ITSN1: variants seen among roughly 807,000 people sequenced by gnomAD.
The protein encoded by ITSN1 is intersectin 1.
In ITSN1, 58 loss-of-function variants were observed where a neutral mutation model predicts 239.8. The observed-to-expected ratio is 0.24, with a 90% CI of 0.20 to 0.30. ITSN1 has a LOEUF of 0.30. Among genes scored for constraint, ITSN1 ranks in the 10% least tolerant of loss-of-function variants. The probability of loss-of-function intolerance (pLI) is 1.00; values close to 1 mark genes in which losing one functional copy is unlikely to be tolerated. For synonymous variants in ITSN1, 780 were observed against 770.8 expected (o/e 1.01, Z -0.20); for missense variants, 1,558 against 2,103.3 (o/e 0.74, Z 5.07).
chr21:33,813,039 T>C (rs536422358), intron 21 of ITSN1, among the ~76,000 whole-genome samples: 1 of 152,274 alleles, frequency 6.6e-6, no homozygotes, highest in South Asian at 2.1e-4. Flanking sequence ...CATGTGAGGA[T>C]GTTTCTCCGG....
chr21:33,865,663 C>T lies in ITSN1; in HGVS notation c.4074+329C>T, dbSNP rs1981437837. The stretch of plus-strand genomic sequence containing the variant: ...AAGGCCCAGGCAGGTCTTAGATTTC[C>T]TCTTGTGTTTAATCGCCACATCCTC... On this transcript the variant is annotated intron_variant, in intron 32 of 39. Coordinates refer to ENST00000381318, the MANE Select transcript of ITSN1 (RefSeq NM_003024.3). This position sits in a 1 kb window ranked among gnomAD's most constrained non-coding sequence, Gnocchi z 4.4. Among the ~76,000 whole-genome samples the T allele has an allele frequency of 6.6e-6, 1 of 152,210 alleles. No homozygotes were observed. Among genetic ancestry groups the T allele is most frequent in the South Asian group, 2.1e-4 (1 of 4,830 alleles).
At chr21:33,667,745 C>A (rs1436220340) in intron 1 of ITSN1, among the ~76,000 whole-genome samples, 1 of 152,138 alleles carries the variant, frequency 6.6e-6, no homozygotes, top group East Asian at 1.9e-4. Context: ...AAGTCTGTTT[C>A]CTGAGTCTGC....
chr21:33,782,008 A>G lies in ITSN1; in HGVS notation c.1699A>G (p.Thr567Ala). 1.3e-6 allele frequency: 2 copies of G among 1,599,764 alleles called. No homozygotes were observed. Among genetic ancestry groups the G allele is most frequent in the Non-Finnish European group, 1.7e-6 (2 of 1,176,584 alleles). The change falls in exon 16 of 40, where the codon ACA becomes GCA. Residue 567 changes from threonine (T) to alanine (A), a missense_variant. Thr to Ala is a moderately conservative substitution (Grantham distance 58, BLOSUM62 0). This residue lies in a region of ITSN1 where 982 missense variants were observed against 1,209.9 expected (regional missense o/e 0.81). Transcript: ENST00000381318. ...TTCTAAAATAGGAGATTCACTTGTT[A>G]CACTTAAAAGAGCCTTAGAAGCAAA... ...QNSLHRDSLV[T>A]LKRALEAKEL...
At chr21:33,730,015 C>A (rs2066073050) in intron 4 of ITSN1, among the ~76,000 whole-genome samples, 1 of 152,128 alleles carries the variant, frequency 6.6e-6, no homozygotes, top group African/African-American at 2.4e-5. Flanking sequence ...TGTGAAGTTA[C>A]TTGGACTAGG....
chr21:33,876,153 C>CTT lies in ITSN1; in HGVS notation c.4341+633_4341+634insTT, dbSNP rs752690648. Among the ~76,000 whole-genome samples, 15 of 124,720 alleles carry CTT rather than the reference C, an allele frequency of 1.2e-4. No individual in the cohort carries two copies. The East Asian group carries it at 1.8e-3, about 15-fold the overall frequency. The allele number at this position is 124,720 out of a possible 152,430, so 81.8% of individuals were successfully genotyped here. On this transcript the variant is annotated intron_variant, in intron 34 of 39. Transcript: ENST00000381318. ...TCTTTCTTTCTTTCTTTCTTTCTTT[C>CTT]TCTCTCTCCCTCTTTCTTTCTTTCC...
At chr21:33,795,880 T>G (rs2071512135) in intron 17 of ITSN1, among the ~76,000 whole-genome samples, 1 of 151,846 alleles carries the variant, frequency 6.6e-6, no homozygotes, top group Non-Finnish European at 1.5e-5. Context: ...AAACTGCAAA[T>G]TAACGTCAGA....
chr21:33,671,103 G>T (rs530092898), intron 1 of ITSN1, among the ~76,000 whole-genome samples: 3 of 152,268 alleles, frequency 2.0e-5, no homozygotes, highest in Admixed American at 2.0e-4. Context: ...TTCAAAAGTC[G>T]TATGGGACAA....
chr21:33,832,000 G>A, intron 27 of ITSN1, among the ~76,000 whole-genome samples: 1 of 152,214 alleles, frequency 6.6e-6, no homozygotes, highest in East Asian at 1.9e-4. Context: ...TCATGCCCCT[G>A]TCCTGTTCTG....
chr21:33,829,005 G>T (rs752916205), intron 26 of ITSN1: 1 of 470,934 alleles, frequency 2.1e-6, no homozygotes, highest in South Asian at 1.5e-5. Context: ...AAAGAAATTT[G>T]CCCTGCCATG....
intron 17 of ITSN1, among the ~76,000 whole-genome samples, chr21:33,796,754 G>C (rs1229304804): frequency 6.6e-6 from 1 of 152,152 alleles, no homozygotes; most frequent in African/African-American, 2.4e-5. Context: ...TATGTCATTT[G>C]TTATTACATA....
intron 29 of ITSN1, among the ~76,000 whole-genome samples, chr21:33,848,490 C>T (rs1434724951): frequency 6.6e-6 from 1 of 152,200 alleles, no homozygotes; most frequent in East Asian, 1.9e-4. Context: ...AGCGCACCAG[C>T]GAGGAGGAAG....
intron 27 of ITSN1, among the ~76,000 whole-genome samples, chr21:33,829,961 CAT>C (rs987700543): frequency 2.0e-5 from 3 of 152,210 alleles, no homozygotes; most frequent in Non-Finnish European, 2.9e-5. Flanking sequence ...CATACGAAAA[CAT>C]ATCTTTCCCA....
chr21:33,854,798 C>T (rs747721387), intron 29 of ITSN1, among the ~76,000 whole-genome samples: 6 of 152,178 alleles, frequency 3.9e-5, no homozygotes, highest in South Asian at 2.1e-4. Flanking sequence ...TGCAAAAGTG[C>T]GAGCTCACCT....
intron 1 of ITSN1, among the ~76,000 whole-genome samples, chr21:33,674,047 T>A (rs1400713789): frequency 2.6e-5 from 4 of 152,232 alleles, no homozygotes; most frequent in Non-Finnish European, 5.9e-5. Flanking sequence ...TGTTTGATTG[T>A]ATAACTCTGC....
At chr21:33,653,275 G>A (rs1388337914) in intron 1 of ITSN1, among the ~76,000 whole-genome samples, 3 of 152,046 alleles carry the variant, frequency 2.0e-5, no homozygotes, top group African/African-American at 4.8e-5. Flanking sequence ...GATTACAGGC[G>A]TGAGCCACCG....
intron 15 of ITSN1, among the ~76,000 whole-genome samples, 191 bp downstream of exon 15, chr21:33,781,739 C>A (rs1459680633): frequency 1.3e-5 from 2 of 152,034 alleles, no homozygotes; most frequent in Non-Finnish European, 2.9e-5. Context: ...CCACCACAGC[C>A]AGCTAGTTTT....
chr21:33,846,319 C>A (rs1343828577), intron 29 of ITSN1, among the ~76,000 whole-genome samples: 2 of 152,222 alleles, frequency 1.3e-5, no homozygotes, highest in African/African-American at 4.8e-5. Context: ...TAACTTGTAA[C>A]AACTCAGCTC....
chr21:33,675,691 C>T (rs1428925332), intron 1 of ITSN1, among the ~76,000 whole-genome samples: 3 of 152,174 alleles, frequency 2.0e-5, no homozygotes, highest in Non-Finnish European at 4.4e-5. Flanking sequence ...TGCTCATTGC[C>T]GGTTTAATAA....
intron 34 of ITSN1, among the ~76,000 whole-genome samples, chr21:33,881,959 A>G (rs1000762721): frequency 2.4e-4 from 37 of 151,828 alleles, no homozygotes; most frequent in African/African-American, 7.7e-4. Flanking sequence ...AAAAAAAAAA[A>G]AAAAGAAAAG....
Sources: allele counts gnomAD v4.1 joint callset (sites outside exome capture counted in the v4.1 genomes callset), GRCh38; gene constraint gnomAD v4.1.1; regional missense constraint gnomAD v4.1.1; non-coding constraint Gnocchi (gnomAD v3.1); transcripts MANE v1.5; gene names NCBI Gene and HGNC (gene_info 2026-07-23, HGNC 2026-07-21).